The following CYB5R4 variants were observed in gnomAD, a reference collection of about 807,000 sequenced individuals.
CYB5R4 encodes N-terminal cytochrome b5 and cytochrome b5 oxidoreductase domain-containing protein.
Under a neutral mutation model 70.2 loss-of-function variants are expected in CYB5R4, and 55 were observed. That is an observed-to-expected ratio of 0.78 (90% confidence interval 0.63 to 0.98). CYB5R4 has a LOEUF of 0.98. Among genes scored for constraint, CYB5R4 ranks in the 50% least tolerant of loss-of-function variants. The probability of loss-of-function intolerance (pLI) is 0.00; values close to 1 mark genes in which losing one functional copy is unlikely to be tolerated. For missense variants in CYB5R4, 562 were observed against 612.6 expected (o/e 0.92, Z 0.87); for synonymous variants, 197 against 199.5 (o/e 0.99, Z 0.11).
rs748097273 is a variant in CYB5R4, at chr6:83,960,584, A to C, written c.*706A>C. 6.6e-6 allele frequency: 1 copy of C among 152,182 alleles called. No homozygotes were observed. The highest frequency in any genetic ancestry group is 2.4e-5 in the African/African-American group (1 of 41,444). The allele number at this position is 152,182 out of a possible 1,614,324, so 9.4% of individuals were successfully genotyped here. A position where few individuals can be genotyped will look rare whatever the true frequency, so the allele number is the denominator to read the frequency against. ...CTTGAGAGAGGGAACCTTGACAGCT[A>C]TTTTTACTCTTAGCCAAAAACAAAG... On this transcript the variant is annotated 3_prime_UTR_variant, in exon 16 of 16. Transcript: ENST00000369681.
At chr6:83,879,744 G>C (rs1245345850) in intron 2 of CYB5R4, among the ~76,000 whole-genome samples, 1 of 152,170 alleles carries the variant, frequency 6.6e-6, no homozygotes, top group Non-Finnish European at 1.5e-5. Context: ...AGCATCTCAA[G>C]AGGTGAAAGA....
chr6:83,892,084 A>G (rs61762807), intron 2 of CYB5R4, among the ~76,000 whole-genome samples: 2,922 of 152,308 alleles, frequency 0.019, 88 homozygotes, highest in African/African-American at 0.066. Context: ...AGCATTAAAC[A>G]ATGGGAAAAA....
intron 4 of CYB5R4, among the ~76,000 whole-genome samples, chr6:83,912,042 G>C (rs946923464): frequency 2.2e-5 from 3 of 135,660 alleles, no homozygotes; most frequent in African/African-American, 8.7e-5. Context: ...GGGTGACAGA[G>C]AGAGGCCTTG....
At chr6:83,912,858 A>G (rs1363603203) in intron 4 of CYB5R4, among the ~76,000 whole-genome samples, 4 of 152,214 alleles carry the variant, frequency 2.6e-5, no homozygotes, top group African/African-American at 9.7e-5. Context: ...TTCTCTTTCT[A>G]CTAGTACTTC....
chr6:83,888,110 A>T (rs957456794), intron 2 of CYB5R4, among the ~76,000 whole-genome samples: 1 of 152,162 alleles, frequency 6.6e-6, no homozygotes. Flanking sequence ...GAGTAATTGG[A>T]TGCTCAGATC....
intron 2 of CYB5R4, among the ~76,000 whole-genome samples, chr6:83,890,625 G>T (rs2099460990): frequency 6.6e-6 from 1 of 152,186 alleles, no homozygotes; most frequent in South Asian, 2.1e-4. Flanking sequence ...CAGTTCTACT[G>T]TGAGTAAAAT....
intron 4 of CYB5R4, among the ~76,000 whole-genome samples, chr6:83,911,791 C>G (rs2099464727): frequency 6.6e-6 from 1 of 152,018 alleles, no homozygotes; most frequent in African/African-American, 2.4e-5. Context: ...CACCTGTAAT[C>G]CCAGCACTTT....
intron 2 of CYB5R4, among the ~76,000 whole-genome samples, chr6:83,892,302 T>A (rs1453579804): frequency 2.0e-5 from 3 of 152,198 alleles, no homozygotes; most frequent in Non-Finnish European, 4.4e-5. Context: ...AGTACTTTTC[T>A]TGGGTCTGAA....
chr6:83,902,723 T>C (rs1251009153), intron 3 of CYB5R4, among the ~76,000 whole-genome samples: 2 of 152,190 alleles, frequency 1.3e-5, no homozygotes, highest in South Asian at 4.1e-4. Flanking sequence ...TCTGTAGTTT[T>C]ACTTGTAGAG....
rs2099455662 is a variant in CYB5R4 at position 83,859,856 on chromosome 6, A to C, written c.74A>C (p.Lys25Thr). The change falls in exon 1 of 16, where the codon AAG (lysine) becomes ACG (threonine). Residue 25 changes from lysine (K) to threonine (T), a missense_variant and splice_region_variant. Transcript: ENST00000369681. ...CGTGTCGCCTCCGGGGGGCGTAGCAAGGTAAGCGGGTGGCTCCGTGAGTCT... is the reference window on the plus strand; with the variant it reads ...CGTGTCGCCTCCGGGGGGCGTAGCACGGTAAGCGGGTGGCTCCGTGAGTCT... ...QQRVASGGRSKVPLKQGRSLM... is the reference protein window; with the variant it reads ...QQRVASGGRSTVPLKQGRSLM... 2 of 1,611,666 alleles carry C rather than the reference A, an allele frequency of 1.2e-6. No homozygotes were observed. Among genetic ancestry groups the C allele is most frequent in the Non-Finnish European group, 1.7e-6 (2 of 1,179,234 alleles).
chr6:83,915,065 A>G (rs866739148), intron 5 of CYB5R4, among the ~76,000 whole-genome samples: 2 of 151,914 alleles, frequency 1.3e-5, no homozygotes, highest in African/African-American at 4.8e-5. Context: ...ATGTGAGCTC[A>G]CCTCCATTGT....
chr6:83,930,173 C>G (rs1349812741), intron 10 of CYB5R4, among the ~76,000 whole-genome samples: 2 of 152,120 alleles, frequency 1.3e-5, no homozygotes, highest in African/African-American at 2.4e-5. Flanking sequence ...GAGAGTCTTG[C>G]CTCGATGCTG....
At chr6:83,920,552 T>C (rs2099466207) in intron 7 of CYB5R4, among the ~76,000 whole-genome samples, 1 of 152,048 alleles carries the variant, frequency 6.6e-6, no homozygotes, top group Non-Finnish European at 1.5e-5. Flanking sequence ...CATTGAATAA[T>C]ATAAATAATA....
intron 2 of CYB5R4, among the ~76,000 whole-genome samples, chr6:83,876,726 T>C (rs961031463): frequency 6.6e-6 from 1 of 152,230 alleles, no homozygotes; most frequent in Non-Finnish European, 1.5e-5. Flanking sequence ...TACTTATCTT[T>C]CAAAGAGATA....
In CYB5R4 at chr6:83,962,643, C is replaced by A. The variant is rs1562850030; in HGVS notation, c.*2765C>A. 1.3e-5 allele frequency: 2 copies of A among 152,210 alleles called. No individual in the cohort carries two copies. Among genetic ancestry groups the A allele is most frequent in the Non-Finnish European group, 2.9e-5 (2 of 68,054 alleles). 9.4% of individuals were successfully genotyped at this position (152,210 alleles called of 1,614,324 possible). On this transcript the variant is annotated 3_prime_UTR_variant, in exon 16 of 16. Coordinates refer to ENST00000369681, the MANE Select transcript of CYB5R4 (RefSeq NM_016230.4). ...CAACTGGGTCCTCTGCTTAAAGCCT[C>A]ACAAGGCTGTAATCAGATTGTCAGC...
rs556970440 is a variant in CYB5R4 at position 83,875,074 on chromosome 6, G to T, written c.229+10746G>T. Among the ~76,000 whole-genome samples, 17 of 152,160 alleles carry T rather than the reference G, an allele frequency of 1.1e-4. No individual in the cohort carries two copies. The East Asian group carries it at 3.1e-3, about 28-fold the overall frequency. On this transcript the variant is annotated intron_variant, in intron 2 of 15. Transcript: ENST00000369681. ...TTGATCTTGTGATCTGCCTGCCTCA[G>T]CCTCCCAAAGTGCTGGGATTATAGG...
chr6:83,963,204 A>C lies in CYB5R4; in HGVS notation c.*3326A>C, dbSNP rs529551121. 2.6e-5 allele frequency: 4 copies of C among 152,332 alleles called. No individual in the cohort carries two copies. The highest frequency in any genetic ancestry group is 1.3e-4 in the Admixed American group (2 of 15,298). 9.4% of individuals were successfully genotyped at this position (152,332 alleles called of 1,614,324 possible). A position where few individuals can be genotyped will look rare whatever the true frequency, so the allele number is the denominator to read the frequency against. ...CCACAGGCTATAGAAAGAACAGAGA[A>C]ATTTGTCCAAGATAAGATGATTAGG... On this transcript the variant is annotated 3_prime_UTR_variant, in exon 16 of 16. Transcript: ENST00000369681.
intron 4 of CYB5R4, among the ~76,000 whole-genome samples, chr6:83,909,524 A>G (rs139436421): frequency 2.0e-5 from 3 of 152,292 alleles, no homozygotes; most frequent in Admixed American, 6.5e-5. Flanking sequence ...CTTCTAAAGT[A>G]TAACCAGTTT....
intron 3 of CYB5R4, among the ~76,000 whole-genome samples, chr6:83,894,275 T>C (rs1205232093): frequency 6.6e-6 from 1 of 152,224 alleles, no homozygotes; most frequent in South Asian, 2.1e-4. Flanking sequence ...CTGAGTATTC[T>C]GAGACAACAG....
Sources: allele counts gnomAD v4.1 joint callset (sites outside exome capture counted in the v4.1 genomes callset), GRCh38; gene constraint gnomAD v4.1.1; transcripts MANE v1.5; gene names NCBI Gene and HGNC (gene_info 2026-07-23, HGNC 2026-07-21).